SPPL2A: variants seen among roughly 807,000 people sequenced by gnomAD.
SPPL2A encodes signal peptide peptidase like 2A.
A neutral mutation model predicts 63.8 loss-of-function variants in SPPL2A; 51 were observed. That is an observed-to-expected ratio of 0.80 (90% CI 0.64 to 1.01). The LOEUF (loss-of-function observed/expected upper bound fraction) is 1.01, where lower values mean the gene tolerates loss of function less well. Among genes scored for constraint, SPPL2A ranks in the 50% least tolerant of loss-of-function variants. The pLI, the probability that SPPL2A is intolerant of heterozygous loss-of-function variation, is 0.00. For synonymous variants in SPPL2A, 188 were observed against 205.8 expected, an observed-to-expected ratio of 0.91 and a Z score of 0.74; for missense variants, 553 against 622.7, an observed-to-expected ratio of 0.89 and a Z score of 1.19.
At position 50,720,005 on chromosome 15, in the gene SPPL2A, T is replaced by C. The variant is rs200436388; in HGVS notation, c.1423A>G (p.Thr475Ala). Reference protein sequence around the residue: ...LLYLVPCTLITASVVAWRRKE... With the variant: ...LLYLVPCTLIAASVVAWRRKE... ...CGTCTCCAGGCAACAACTGAGGCAG[T>C]AATAAGTGTGCAAGGTACTAAATAG... The change falls in exon 14 of 15, where the codon ACT becomes GCT. Residue 475 changes from threonine (T) to alanine (A), a missense_variant. Thr to Ala is a moderately conservative substitution (Grantham distance 58). Transcript: ENST00000261854. 1.9e-6 allele frequency: 3 copies of C among 1,613,830 alleles called. No homozygotes were observed. In the South Asian group the frequency reaches 3.3e-5, roughly 18 times the overall value.
In SPPL2A at chr15:50,706,405, A is replaced by G. The variant is rs1456383671; in HGVS notation, c.*1395T>C. 4.7e-5 allele frequency: 7 copies of G among 150,330 alleles called. No homozygotes were observed. In the South Asian group the frequency reaches 8.4e-4, roughly 18 times the overall value. 9.3% of individuals were successfully genotyped at this position (150,330 alleles called of 1,614,324 possible). ...ACTCCGTCTCAAAAAAAAAAAAAAA[A>G]AAAAAAAGAAAACTGAGATACAAGG... On this transcript the variant is annotated 3_prime_UTR_variant, in exon 15 of 15. Coordinates refer to ENST00000261854, the MANE Select transcript of SPPL2A (RefSeq NM_032802.4).
chr15:50,747,402 G>A, intron 5 of SPPL2A, 93 bp downstream of exon 5: 1 of 1,032,908 alleles, frequency 9.7e-7, no homozygotes, highest in East Asian at 2.4e-5. Context: ...TATTCTGAGG[G>A]CAGATAAATT....
In SPPL2A at chr15:50,736,148, C is replaced by T; in HGVS notation, c.885G>A (p.Leu295=). The stretch of plus-strand genomic sequence containing the variant: ...CCCAAACAACAGCTACTGCTATGCA[C>T]AGTCCAGAGAGAAAAATAAGTCTCA... ...MEVRLIFLSG[L]CIAVAVVWAV... The change falls in exon 8 of 15, where the codon CTG becomes CTA. Residue 295 remains leucine, a synonymous_variant. Coordinates refer to ENST00000261854, the MANE Select transcript of SPPL2A (RefSeq NM_032802.4). The T allele has an allele frequency of 3.1e-6, 5 of 1,613,184 alleles. No homozygotes were observed. The highest frequency in any genetic ancestry group is 4.2e-6 in the Non-Finnish European group (5 of 1,179,526).
rs951042771 is a variant in SPPL2A, at chr15:50,702,837, A to G, written c.*4963T>C. ...TATGCAGAGGCTGTCCTCAATATGG[A>G]AAGATTAAACGAGGACATTTATACT... On this transcript the variant is annotated 3_prime_UTR_variant, in exon 15 of 15. Transcript: ENST00000261854. 1.5e-4 allele frequency: 23 copies of G among 152,160 alleles called. No homozygotes were observed. The highest frequency in any genetic ancestry group is 5.5e-4 in the African/African-American group (23 of 41,442). 9.4% of individuals were successfully genotyped at this position (152,160 alleles called of 1,614,324 possible).
At chr15:50,755,164 A>G (rs770212334) in intron 1 of SPPL2A, among the ~76,000 whole-genome samples, 89 of 151,630 alleles carry the variant, frequency 5.9e-4, no homozygotes, top group Non-Finnish European at 1.1e-3. Context: ...CTAAAAATAA[A>G]AAAATCAGCC....
At chr15:50,745,582 C>G (rs937230377) in intron 5 of SPPL2A, among the ~76,000 whole-genome samples, 2 of 137,974 alleles carry the variant, frequency 1.4e-5, no homozygotes, top group African/African-American at 2.7e-5. Flanking sequence ...GGGTCTCACT[C>G]TGTTGCCCAG....
chr15:50,748,895 A>G, intron 2 of SPPL2A, 25 bp from the exon 3 acceptor site: 2 of 1,494,168 alleles, frequency 1.3e-6, no homozygotes, highest in South Asian at 1.3e-5. Flanking sequence ...TGTCTTTTTA[A>G]CATGTTAAAA....
chr15:50,751,891 G>A (rs2062909802), intron 1 of SPPL2A, among the ~76,000 whole-genome samples: 1 of 152,096 alleles, frequency 6.6e-6, no homozygotes, highest in South Asian at 2.1e-4. Context: ...GCAATGAATG[G>A]CATGATCTTG....
chr15:50,714,891 C>T (rs182798517), intron 14 of SPPL2A, among the ~76,000 whole-genome samples: 4 of 151,962 alleles, frequency 2.6e-5, no homozygotes, highest in African/African-American at 9.6e-5. Context: ...TGCAGTAAGC[C>T]AAGATTGTGC....
At chr15:50,733,672 C>T (rs989801630) in intron 8 of SPPL2A, among the ~76,000 whole-genome samples, 2 of 152,016 alleles carry the variant, frequency 1.3e-5, no homozygotes, top group Admixed American at 1.3e-4. Context: ...AATGGAATCA[C>T]ATCAAGCTAA....
rs1225132408 is a variant in SPPL2A, at chr15:50,755,009, AAAC to A, written c.67-5266_67-5264del. Reference sequence around the variant, plus strand: ...AAAAACAGAAACGAAAACAAAACAAAAACAACAACAAAAAAAACGCAAATTCGG... The same window carrying A: ...AAAAACAGAAACGAAAACAAAACAAAAACAACAAAAAAAACGCAAATTCGG... On this transcript the variant is annotated intron_variant, in intron 1 of 14. Transcript: ENST00000261854. Among the ~76,000 whole-genome samples, 18 of 151,062 alleles carry A rather than the reference AAAC, an allele frequency of 1.2e-4. 1 individual carries two copies. The highest frequency in any genetic ancestry group is 8.4e-4 in the South Asian group (4 of 4,758).
chr15:50,754,035 G>A lies in SPPL2A; in HGVS notation c.67-4289C>T, dbSNP rs144818682. On this transcript the variant is annotated intron_variant, in intron 1 of 14. Transcript: ENST00000261854. Reference sequence around the variant, plus strand: ...TGGTCTCAAACTCCTGACCTCAGACGATCCGCCCGTCTCAGCCTCCCAAAG... The same window carrying A: ...TGGTCTCAAACTCCTGACCTCAGACAATCCGCCCGTCTCAGCCTCCCAAAG... Among the ~76,000 whole-genome samples, 704 of 152,306 alleles carry A rather than the reference G, an allele frequency of 4.6e-3. 6 individuals carry two copies. The highest frequency in any genetic ancestry group is 0.016 in the African/African-American group (679 of 41,570).
intron 13 of SPPL2A, among the ~76,000 whole-genome samples, chr15:50,720,580 C>T (rs2141025487): frequency 7.0e-6 from 1 of 142,838 alleles, no homozygotes; most frequent in East Asian, 2.2e-4. Flanking sequence ...AGTGCAATGG[C>T]ACGATCTCAG....
chr15:50,756,366 A>G (rs1206577112), intron 1 of SPPL2A, among the ~76,000 whole-genome samples: 2 of 151,508 alleles, frequency 1.3e-5, no homozygotes, highest in African/African-American at 4.9e-5. Context: ...CAAAAAAAAA[A>G]AAAAAAAAAA....
chr15:50,750,238 G>T (rs1448148331), intron 1 of SPPL2A, among the ~76,000 whole-genome samples: 2 of 152,074 alleles, frequency 1.3e-5, no homozygotes, highest in Non-Finnish European at 2.9e-5. Flanking sequence ...CAAGTAGTTG[G>T]TACTACAGGC....
At position 50,726,148 on chromosome 15, in the gene SPPL2A, T is replaced by A. The variant is rs536772312; in HGVS notation, c.1146+173A>T. ...CATTCTAGGATGAAACCCAAGTCAATAGGTATTTAATAATTTAGAATAACT... is the reference window on the plus strand; with the variant it reads ...CATTCTAGGATGAAACCCAAGTCAAAAGGTATTTAATAATTTAGAATAACT... On this transcript the variant is annotated intron_variant, in intron 11 of 14. Coordinates refer to ENST00000261854, the MANE Select transcript of SPPL2A (RefSeq NM_032802.4). 3 of 1,526,092 alleles carry A rather than the reference T, an allele frequency of 2.0e-6. No homozygotes were observed. The East Asian group carries it at 7.5e-5, about 38-fold the overall frequency. 94.5% of individuals were successfully genotyped at this position (1,526,092 alleles called of 1,614,324 possible).
chr15:50,756,293 G>C (rs941432341), intron 1 of SPPL2A, among the ~76,000 whole-genome samples: 1 of 149,394 alleles, frequency 6.7e-6, no homozygotes, highest in African/African-American at 2.5e-5. Flanking sequence ...TCTGGGAGGC[G>C]GAGCTTGCAG....
intron 12 of SPPL2A, among the ~76,000 whole-genome samples, chr15:50,724,002 C>G (rs1021664635): frequency 3.9e-5 from 6 of 151,992 alleles, no homozygotes; most frequent in Admixed American, 2.0e-4. Context: ...ATGCCAAGTT[C>G]TATATAGAAG....
intron 10 of SPPL2A, 133 bp downstream of exon 10, chr15:50,730,832 T>G (rs1324331058): frequency 3.4e-6 from 2 of 582,664 alleles, no homozygotes; most frequent in Non-Finnish European, 6.2e-6. Flanking sequence ...AAGGCCAATT[T>G]CAATGACAGT....
Sources: allele counts gnomAD v4.1 joint callset (sites outside exome capture counted in the v4.1 genomes callset), GRCh38; gene constraint gnomAD v4.1.1; transcripts MANE v1.5; gene names NCBI Gene and HGNC (gene_info 2026-07-23, HGNC 2026-07-21).